The following ESR1 variants were observed in gnomAD, a reference collection of about 807,000 sequenced individuals.
The protein encoded by ESR1 is estrogen receptor 1.
Under a neutral mutation model 52.7 loss-of-function variants are expected in ESR1, and 12 were observed. The ratio of observed to expected loss-of-function variants is 0.23; its 90% CI spans 0.15 to 0.37. ESR1 has a LOEUF of 0.37. Among genes scored for constraint, ESR1 ranks in the 10% least tolerant of loss-of-function variants. The pLI is 1.00. For synonymous variants in ESR1, 305 were observed against 316.8 expected (o/e 0.96, Z 0.39); for missense variants, 584 against 779.7 (o/e 0.75, Z 2.99).
chr6:152,075,535 C>T (rs1487045175), intron 6 of ESR1, among the ~76,000 whole-genome samples: 1 of 152,196 alleles, frequency 6.6e-6, no homozygotes, highest in East Asian at 1.9e-4. Context: ...CATTCACTTG[C>T]CCACTCATCT....
intron 1 of ESR1, among the ~76,000 whole-genome samples, chr6:151,661,183 A>T (rs1451932067): frequency 6.6e-6 from 1 of 152,250 alleles, no homozygotes; most frequent in Non-Finnish European, 1.5e-5. Context: ...TGAAAGCACC[A>T]TGTGGATATC....
At chr6:151,733,388 G>A (rs1782403525) in intron 2 of ESR1, among the ~76,000 whole-genome samples, 1 of 152,146 alleles carries the variant, frequency 6.6e-6, no homozygotes, top group African/African-American at 2.4e-5. Flanking sequence ...CTGCTTAATT[G>A]TATGTTTCTT....
rs2128525702 is a variant in ESR1, at chr6:151,944,159, A to G, written c.761-14A>G. ...AAAAAATAAACTAATTTTTTTTTCCACCTGTGTTTTCAGGGATACGAAAAG... is the reference window on the plus strand; with the variant it reads ...AAAAAATAAACTAATTTTTTTTTCCGCCTGTGTTTTCAGGGATACGAAAAG... On this transcript the variant is annotated splice_polypyrimidine_tract_variant and intron_variant, in intron 3 of 7. Coordinates refer to ENST00000206249, the MANE Select transcript of ESR1 (RefSeq NM_000125.4). The G allele has an allele frequency of 6.3e-7, 1 of 1,593,612 alleles. No homozygotes were observed. Among genetic ancestry groups the G allele is most frequent in the Non-Finnish European group, 8.6e-7 (1 of 1,163,724 alleles).
At chr6:151,740,733 C>T (rs750065422) in intron 2 of ESR1, among the ~76,000 whole-genome samples, 6 of 151,966 alleles carry the variant, frequency 3.9e-5, no homozygotes, top group South Asian at 2.1e-4. Flanking sequence ...CTATGTTAAC[C>T]GTTCTTTGAA....
chr6:152,038,782 C>T (rs558084045), intron 5 of ESR1, among the ~76,000 whole-genome samples: 17 of 152,186 alleles, frequency 1.1e-4, no homozygotes, highest in Admixed American at 7.2e-4. Flanking sequence ...AGGCACCCAC[C>T]GCCACACCTG....
intron 3 of ESR1, among the ~76,000 whole-genome samples, chr6:151,911,187 G>T (rs1798199313): frequency 1.3e-5 from 2 of 152,222 alleles, no homozygotes; most frequent in Admixed American, 1.3e-4. Context: ...AATTAAATAT[G>T]TACATTTCTT....
intron 1 of ESR1, among the ~76,000 whole-genome samples, chr6:151,700,969 A>G (rs1442012370): frequency 6.6e-6 from 1 of 152,014 alleles, no homozygotes; most frequent in Non-Finnish European, 1.5e-5. Flanking sequence ...CTATTGAAAT[A>G]ACTTAAAGTA....
chr6:152,071,652 T>C (rs2048359877), intron 6 of ESR1, among the ~76,000 whole-genome samples: 1 of 152,236 alleles, frequency 6.6e-6, no homozygotes, highest in Non-Finnish European at 1.5e-5. Context: ...TTCATATTTA[T>C]ATTTACATAT....
intron 2 of ESR1, among the ~76,000 whole-genome samples, chr6:151,724,411 A>T (rs569021150): frequency 6.6e-6 from 1 of 152,282 alleles, no homozygotes; most frequent in South Asian, 2.1e-4. Flanking sequence ...TGAGGAAACT[A>T]ATAAGTCCAA....
chr6:151,746,603 A>G (rs1405679763), intron 2 of ESR1, among the ~76,000 whole-genome samples: 1 of 152,246 alleles, frequency 6.6e-6, no homozygotes. Flanking sequence ...CTGAAATGCT[A>G]TTTGTAATAC....
chr6:151,933,972 A>C (rs1001589830), intron 3 of ESR1, among the ~76,000 whole-genome samples: 1 of 152,220 alleles, frequency 6.6e-6, no homozygotes, highest in Non-Finnish European at 1.5e-5. Flanking sequence ...TTCCAAAGCT[A>C]TAAACCCTAT....
chr6:151,676,140 G>A (rs1174080539), intron 1 of ESR1, among the ~76,000 whole-genome samples: 1 of 152,198 alleles, frequency 6.6e-6, no homozygotes, highest in Non-Finnish European at 1.5e-5. Context: ...GAGCAAAGGT[G>A]CAGGGGTCAC....
intron 1 of ESR1, among the ~76,000 whole-genome samples, chr6:151,812,986 G>A (rs995655084): frequency 1.3e-5 from 2 of 151,138 alleles, no homozygotes; most frequent in Admixed American, 6.6e-5. Context: ...AAAAAAGTAT[G>A]TCTGAGCTGT....
chr6:151,925,166 G>A (rs891631762), intron 3 of ESR1, among the ~76,000 whole-genome samples: 24 of 130,390 alleles, frequency 1.8e-4, no homozygotes, highest in African/African-American at 8.2e-4. Context: ...TTTAATAATA[G>A]CCATTCTGAC....
chr6:151,975,118 G>A (rs2039313440), intron 4 of ESR1, among the ~76,000 whole-genome samples: 1 of 151,250 alleles, frequency 6.6e-6, no homozygotes, highest in Admixed American at 6.6e-5. Flanking sequence ...AGATTGACCT[G>A]GCTAGCACAG....
At position 152,009,254 on chromosome 6, in the gene ESR1, C is replaced by T. The variant is rs371030493; in HGVS notation, c.1097-2402C>T. 7.9e-5 allele frequency among the ~76,000 whole-genome samples: 12 copies of T among 152,230 alleles called. No homozygotes were observed. The East Asian group carries it at 2.1e-3, about 27-fold the overall frequency. On this transcript the variant is annotated intron_variant, in intron 4 of 7. Transcript: ENST00000206249. The stretch of plus-strand genomic sequence containing the variant: ...GAATCCACTCTTTTCAATGGAAAGA[C>T]ACCTGCTCTGAGACAGGCTACACTG...
At chr6:151,686,953 C>G (rs1210947093), upstream of ESR1, among the ~76,000 whole-genome samples, 1 of 152,184 alleles carries the variant, frequency 6.6e-6, no homozygotes, top group Non-Finnish European at 1.5e-5. Flanking sequence ...TATGTGTTAT[C>G]TCAGCTCATG....
chr6:151,922,092 A>G (rs2031808969), intron 3 of ESR1, among the ~76,000 whole-genome samples: 1 of 152,180 alleles, frequency 6.6e-6, no homozygotes, highest in Non-Finnish European at 1.5e-5. Context: ...CCAAAACAGC[A>G]TGGTACTGGT....
At position 151,731,399 on chromosome 6, in the gene ESR1, G is replaced by A. The variant is rs1254918816; in HGVS notation, c.-71+29394G>A. Among the ~76,000 whole-genome samples, 7 of 151,810 alleles carry A rather than the reference G, an allele frequency of 4.6e-5. No homozygotes were observed. The East Asian group carries it at 1.4e-3, about 29-fold the overall frequency. ...AAATGTGGGGGCAGATAAGTTTTTT[G>A]GGGGGTTTGCTTTTAATTCTTTGGA... On this transcript the variant is annotated intron_variant, in intron 2 of 2. Transcript: ENST00000404742.
Sources: gnomAD v4.1 joint callset for allele counts (sites outside exome capture counted in the v4.1 genomes callset) on GRCh38, gnomAD v4.1.1 for gene constraint, MANE v1.5 for transcripts, NCBI Gene and HGNC (gene_info 2026-07-23, HGNC 2026-07-21) for gene names.